The following MYO16 variants were observed in gnomAD, a reference collection of about 807,000 sequenced individuals.
MYO16 encodes the protein myosin XVI.
In MYO16, 94 loss-of-function variants were observed where a neutral mutation model predicts 205.3. That is an observed-to-expected ratio of 0.46 (90% CI 0.39 to 0.54). MYO16 has a LOEUF of 0.54. Ranked by LOEUF, MYO16 falls within the 20% of genes least tolerant of loss-of-function variation. The pLI, the probability that MYO16 is intolerant of heterozygous loss-of-function variation, is 0.00. For missense variants in MYO16, 2,315 were observed against 2,387.5 expected (o/e 0.97, Z 0.63); for synonymous variants, 988 against 954.0 (o/e 1.04, Z -0.66).
chr13:109,051,073 G>T (rs1226513344), intron 24 of MYO16, among the ~76,000 whole-genome samples: 1 of 152,086 alleles, frequency 6.6e-6, no homozygotes, highest in Non-Finnish European at 1.5e-5. Flanking sequence ...TTTGGAATCT[G>T]AACATTTAAG....
intron 34 of MYO16, among the ~76,000 whole-genome samples, chr13:109,196,807 G>A (rs1436755099): frequency 6.6e-6 from 1 of 152,128 alleles, no homozygotes; most frequent in Non-Finnish European, 1.5e-5. Context: ...AACTGCAAGT[G>A]GCCCCCAAAC....
chr13:108,695,453 C>T (rs1883056553), intron 2 of MYO16, among the ~76,000 whole-genome samples: 4 of 152,076 alleles, frequency 2.6e-5, no homozygotes, highest in Admixed American at 2.0e-4. Flanking sequence ...GAAATCATGA[C>T]AAGTAAGTCC....
intron 27 of MYO16, among the ~76,000 whole-genome samples, chr13:109,060,945 C>T (rs752919605): frequency 1.3e-5 from 2 of 152,114 alleles, no homozygotes; most frequent in African/African-American, 4.8e-5. Flanking sequence ...TTTGCTGTGG[C>T]CACCTTTATC....
intron 17 of MYO16, among the ~76,000 whole-genome samples, chr13:108,959,924 G>C (rs981503206): frequency 2.0e-5 from 3 of 151,716 alleles, no homozygotes; most frequent in African/African-American, 7.3e-5. Context: ...CTATCCAGAG[G>C]TGCCTATCTT....
the MYO16 span, among the ~76,000 whole-genome samples, chr13:108,557,244 A>T: frequency 6.6e-6 from 1 of 152,010 alleles, no homozygotes; most frequent in Non-Finnish European, 1.5e-5. Flanking sequence ...AACAATATTA[A>T]TTTTTCCAAT....
chr13:108,525,963 G>C, the MYO16 span, among the ~76,000 whole-genome samples: 1 of 149,896 alleles, frequency 6.7e-6, no homozygotes. Context: ...TTCTGGGGAG[G>C]GGATAGGGAG....
chr13:109,005,911 A>C (rs1009591329), intron 21 of MYO16, among the ~76,000 whole-genome samples: 2 of 152,166 alleles, frequency 1.3e-5, no homozygotes, highest in African/African-American at 4.8e-5. Context: ...ATTTTTGAGA[A>C]AATGTCCTTT....
At chr13:108,598,324 G>T (rs879437535) in intron 1 of MYO16, among the ~76,000 whole-genome samples, 1 of 152,072 alleles carries the variant, frequency 6.6e-6, no homozygotes, top group African/African-American at 2.4e-5. Flanking sequence ...GAGAGAGACA[G>T]ACAGACAGAC....
chr13:108,992,404 G>C lies in MYO16; in HGVS notation c.2398G>C (p.Asp800His). The stretch of plus-strand genomic sequence containing the variant: ...GCAGACATTGGATATTGGAATATTG[G>C]ACATTTTTGGTTTTGAAGAGTTTCA... Reference protein sequence around the residue: ...SMQTLDIGILDIFGFEEFQKN... With the variant: ...SMQTLDIGILHIFGFEEFQKN... The change falls in exon 21 of 35, where the codon GAC becomes CAC. Residue 800 changes from aspartate (D) to histidine (H), a missense_variant. Around this residue, in one of 3 missense-constraint regions of MYO16, gnomAD observed 1,213 missense variants for 1,274.4 expected, o/e 0.95. Transcript: ENST00000457511. 6.2e-7 allele frequency: 1 copy of C among 1,609,926 alleles called. No individual in the cohort carries two copies. Among genetic ancestry groups the C allele is most frequent in the Non-Finnish European group, 8.5e-7 (1 of 1,176,918 alleles).
At chr13:108,997,790 A>G (rs1440038205) in intron 21 of MYO16, among the ~76,000 whole-genome samples, 3 of 152,168 alleles carry the variant, frequency 2.0e-5, no homozygotes, top group Non-Finnish European at 4.4e-5. Flanking sequence ...GTGAGCGGAG[A>G]TCGCACCACC....
At chr13:108,556,851 A>G in the MYO16 span, among the ~76,000 whole-genome samples, 1 of 152,074 alleles carries the variant, frequency 6.6e-6, no homozygotes. Flanking sequence ...TCTTCTGCAT[A>G]TGGATATTCA....
chr13:108,710,935 A>C (rs999659158), intron 2 of MYO16, among the ~76,000 whole-genome samples: 10 of 152,374 alleles, frequency 6.6e-5, no homozygotes, highest in African/African-American at 2.4e-4. Context: ...ATACTAGAGT[A>C]AAAGTGCTGT....
chr13:108,612,475 A>C (rs994546209), intron 1 of MYO16, among the ~76,000 whole-genome samples: 1 of 152,092 alleles, frequency 6.6e-6, no homozygotes, highest in African/African-American at 2.4e-5. Context: ...AAATGCCTTC[A>C]GGTTTAAAAA....
At position 108,967,153 on chromosome 13, in the gene MYO16, A is replaced by ATGTGTGTGTGTG. The variant is rs568054141; in HGVS notation, c.2369+2252_2369+2253insGTGTGTGTGTGT. On this transcript the variant is annotated intron_variant, in intron 20 of 34. Transcript: ENST00000457511. ...ATACAGACATGTATACTGACTATAT[A>ATGTGTGTGTGTG]TATGTGTGTGTGTGTGTGTGTGTGT... Among the ~76,000 whole-genome samples, 200 of 150,960 alleles carry ATGTGTGTGTGTG rather than the reference A, an allele frequency of 1.3e-3. 1 individual carries two copies. Among genetic ancestry groups the ATGTGTGTGTGTG allele is most frequent in the African/African-American group, 2.5e-3 (103 of 40,916 alleles).
intron 3 of MYO16, 97 bp from the exon 4 acceptor site, chr13:108,727,343 A>G: frequency 7.5e-7 from 1 of 1,325,374 alleles, no homozygotes; most frequent in Non-Finnish European, 1.0e-6. Flanking sequence ...AACTCCCAAA[A>G]TTGGTATTGA....
At chr13:108,723,545 A>T (rs1884237942) in intron 3 of MYO16, among the ~76,000 whole-genome samples, 1 of 152,152 alleles carries the variant, frequency 6.6e-6, no homozygotes, top group African/African-American at 2.4e-5. Context: ...ACATGTGTGT[A>T]CCCAATTGTT....
At chr13:108,871,570 TG>T (rs1266384194) in intron 12 of MYO16, among the ~76,000 whole-genome samples, 1 of 152,180 alleles carries the variant, frequency 6.6e-6, no homozygotes, top group Admixed American at 6.5e-5. Flanking sequence ...TTTTTTTATT[TG>T]CTCCCTTCAA....
Position 109,000,929 on chromosome 13 carries a change from G to A in MYO16, c.2443-7968G>A, listed in dbSNP as rs553306803. Among the ~76,000 whole-genome samples the A allele has an allele frequency of 2.6e-5, 4 of 151,994 alleles. No individual in the cohort carries two copies. In the East Asian group the frequency reaches 5.8e-4, roughly 22 times the overall value. On this transcript the variant is annotated intron_variant, in intron 21 of 34. Coordinates refer to ENST00000457511, the MANE Select transcript of MYO16 (RefSeq NM_001198950.3). ...CAAAGTAGTAATTATTTACATTAAA[G>A]GAGAATATAGTCATGAATTAAACCC...
At chr13:109,084,884 G>GT (rs1888391060) in intron 27 of MYO16, among the ~76,000 whole-genome samples, 1 of 152,124 alleles carries the variant, frequency 6.6e-6, no homozygotes, top group South Asian at 2.1e-4. Flanking sequence ...TGACCATTTG[G>GT]AGTGATAAAG....
Sources: allele counts gnomAD v4.1 joint callset (sites outside exome capture counted in the v4.1 genomes callset), GRCh38; gene constraint gnomAD v4.1.1; regional missense constraint gnomAD v4.1.1; transcripts MANE v1.5; gene names NCBI Gene and HGNC (gene_info 2026-07-23, HGNC 2026-07-21).